MUC17: variants seen among roughly 807,000 people sequenced by gnomAD.
MUC17 encodes mucin-17.
MUC17 carries 190 observed loss-of-function variants against 170.3 expected under a neutral mutation model. The ratio of observed to expected loss-of-function variants is 1.12; its 90% CI spans 0.99 to 1.26. The LOEUF (loss-of-function observed/expected upper bound fraction) is 1.26, where lower values mean the gene tolerates loss of function less well. Among genes scored for constraint, MUC17 ranks in the 50% most tolerant of loss-of-function variants. The pLI is 0.00. For missense variants in MUC17, 6,415 were observed against 5,530.0 expected (o/e 1.16, Z -5.08); for synonymous variants, 2,325 against 2,002.5 (o/e 1.16, Z -4.30).
intron 3 of MUC17, among the ~76,000 whole-genome samples, chr7:101,046,156 A>C (rs961605315): frequency 2.6e-5 from 4 of 152,084 alleles, no homozygotes; most frequent in African/African-American, 9.7e-5. Context: ...ATTCTTTCCA[A>C]ATGTCTTGGA....
rs1295719511 is a variant in MUC17 at position 101,043,657 on chromosome 7, TCCA to T, written c.12243_12245del (p.Thr4083del). ...TACACCTCCAACAACCTCTGCCTCC[TCCA>T]CGACTGTGAACCCTGAGGCTGTCAC... On this transcript the variant is annotated inframe_deletion, in exon 3 of 13. Coordinates refer to ENST00000306151, the MANE Select transcript of MUC17 (RefSeq NM_001040105.2). 1 of 1,614,046 alleles carries T rather than the reference TCCA, an allele frequency of 6.2e-7. No homozygotes were observed.
chr7:101,051,389 AG>A (rs1165236359), intron 7 of MUC17, among the ~76,000 whole-genome samples: 5 of 145,822 alleles, frequency 3.4e-5, no homozygotes, highest in East Asian at 2.1e-4. Context: ...AAAAAAAAAA[AG>A]AGTAAGAAAG....
At position 101,041,244 on chromosome 7, in the gene MUC17, T is replaced by A; in HGVS notation, c.9828T>A (p.Pro3276=). The change falls in exon 3 of 13, where the codon CCT becomes CCA. Residue 3276 remains proline, a synonymous_variant. Transcript: ENST00000306151. ...GTACCAGCATGCCAACCTCAACTCC[T>A]AGTGAAGGAAGCACTCCATTAACAA... is the stretch of plus-strand genomic sequence containing the variant. ...AEGTSMPTST[P]SEGSTPLTSM... 5 of 1,611,470 alleles carry A rather than the reference T, an allele frequency of 3.1e-6. No homozygotes were observed. The highest frequency in any genetic ancestry group is 4.2e-6 in the Non-Finnish European group (5 of 1,178,370).
In MUC17 at chr7:101,037,589, G is replaced by T; in HGVS notation, c.6173G>T (p.Ser2058Ile). The T allele has an allele frequency of 4.3e-6, 7 of 1,613,890 alleles. No homozygotes were observed. Among genetic ancestry groups the T allele is most frequent in the Non-Finnish European group, 5.1e-6 (6 of 1,179,868 alleles). ...CCTGTCAGCACTACGCTTGTGGTCA[G>T]TTCTGAGGGTAACACCCTTTCAACA... is the stretch of plus-strand genomic sequence containing the variant. ...GMPVSTTLVV[S>I]SEGNTLSTTP... Residue 2058 changes from serine (S) to isoleucine (I), a missense_variant, in exon 3 of 13, where the codon AGT (serine) becomes ATT (isoleucine). Coordinates refer to ENST00000306151, the MANE Select transcript of MUC17 (RefSeq NM_001040105.2).
Position 101,033,288 on chromosome 7 carries a change from C to G in MUC17, c.1872C>G (p.Tyr624Ter), listed in dbSNP as rs745936745. Residue 624 changes from tyrosine (Y) to a stop codon, truncating the protein, a stop_gained, in exon 3 of 13, where the codon TAC becomes TAG. Transcript: ENST00000306151. LOFTEE classifies it high-confidence loss of function. The part of the protein sequence containing the change: ...AEGTSMPTST[Y>*]SERGTTITSM... Reference sequence around the variant, plus strand: ...GTACCAGCATGCCAACCTCAACTTACAGTGAAAGAGGCACTACAATAACAA... The same window carrying G: ...GTACCAGCATGCCAACCTCAACTTAGAGTGAAAGAGGCACTACAATAACAA... 4.3e-6 allele frequency: 7 copies of G among 1,609,476 alleles called. No homozygotes were observed. In the Admixed American group the frequency reaches 8.4e-5, roughly 19 times the overall value.
chr7:101,051,155 C>T (rs1794934212), intron 7 of MUC17, among the ~76,000 whole-genome samples: 1 of 151,898 alleles, frequency 6.6e-6, no homozygotes, highest in African/African-American at 2.4e-5. Context: ...CACTTGAGGC[C>T]AGGAGTTCGA....
intron 3 of MUC17, among the ~76,000 whole-genome samples, chr7:101,046,778 A>C (rs943826146): frequency 6.6e-6 from 1 of 152,162 alleles, no homozygotes. Context: ...ACTCTGTCTC[A>C]AAAAATAATA....
chr7:101,042,751 GT>G lies in MUC17; in HGVS notation c.11338del (p.Tyr3780ThrfsTer6), dbSNP rs771568271. On this transcript the variant is annotated frameshift_variant, in exon 3 of 13. Transcript: ENST00000306151. LOFTEE classifies it high-confidence loss of function. Reference protein sequence around the residue: ...PESSTPSIPSVYTSMSMTTAS... With the variant: ...PESSTPSIPSXYTSMSMTTAS... ...GAGTAGCACCCCTTCCATACCATCTGTTTACACCAGCATGTCTATGACCACT... is the reference window on the plus strand; with the variant it reads ...GAGTAGCACCCCTTCCATACCATCTGTTACACCAGCATGTCTATGACCACT... 140 of 1,613,840 alleles carry G rather than the reference GT, an allele frequency of 8.7e-5. No homozygotes were observed. Among genetic ancestry groups the G allele is most frequent in the Non-Finnish European group, 1.1e-4 (127 of 1,180,030 alleles).
chr7:101,033,488 C>G lies in MUC17; in HGVS notation c.2072C>G (p.Thr691Arg). ...TATACTGAAGGAAGCACTCCATTAA[C>G]AAGTATGCCTGTCAACACCACACTG... The part of the protein sequence containing the change: ...STYTEGSTPL[T>R]SMPVNTTLVA... The change falls in exon 3 of 13, where the codon ACA becomes AGA. Residue 691 changes from threonine to arginine, a missense_variant. Coordinates refer to ENST00000306151, the MANE Select transcript of MUC17 (RefSeq NM_001040105.2). 1 of 1,613,880 alleles carries G rather than the reference C, an allele frequency of 6.2e-7. No homozygotes were observed. Among genetic ancestry groups the G allele is most frequent in the Non-Finnish European group, 8.5e-7 (1 of 1,179,914 alleles).
At position 101,032,035 on chromosome 7, in the gene MUC17, C is replaced by T; in HGVS notation, c.619C>T (p.Pro207Ser). Reference sequence around the variant, plus strand: ...TACTACTCCTGAAAGCACCACCATACCCAAATCAACTAACAGTGAAGGAAG... The same window carrying T: ...TACTACTCCTGAAAGCACCACCATATCCAAATCAACTAACAGTGAAGGAAG... Reference protein sequence around the residue: ...SPTTPESTTIPKSTNSEGSTP... With the variant: ...SPTTPESTTISKSTNSEGSTP... The change falls in exon 3 of 13, where the codon CCC becomes TCC. Residue 207 changes from proline to serine, a missense_variant. Coordinates refer to ENST00000306151, the MANE Select transcript of MUC17 (RefSeq NM_001040105.2). 6.2e-7 allele frequency: 1 copy of T among 1,614,228 alleles called. No individual in the cohort carries two copies. Among genetic ancestry groups the T allele is most frequent in the Non-Finnish European group, 8.5e-7 (1 of 1,180,046 alleles).
chr7:101,041,261 C>T lies in MUC17; in HGVS notation c.9845C>T (p.Pro3282Leu), dbSNP rs1351311795. 1 of 1,611,406 alleles carries T rather than the reference C, an allele frequency of 6.2e-7. No homozygotes were observed. The highest frequency in any genetic ancestry group is 8.5e-7 in the Non-Finnish European group (1 of 1,178,372). ...TCAACTCCTAGTGAAGGAAGCACTC[C>T]ATTAACAAGTATGCCTGTCAGCACC... ...PTSTPSEGST[P>L]LTSMPVSTTT... The change falls in exon 3 of 13, where the codon CCA becomes CTA. Residue 3282 changes from proline to leucine, a missense_variant. Pro to Leu is a moderately conservative substitution (Grantham distance 98, BLOSUM62 -3). Transcript: ENST00000306151.
In MUC17 at chr7:101,058,173, A is replaced by G. The variant is rs1795082421; in HGVS notation, c.*129A>G. The G allele has an allele frequency of 1.3e-6, 1 of 748,880 alleles. No individual in the cohort carries two copies. The highest frequency in any genetic ancestry group is 1.8e-5 in the African/African-American group (1 of 57,020). 46.4% of individuals were successfully genotyped at this position (748,880 alleles called of 1,614,324 possible). A position where few individuals can be genotyped will look rare whatever the true frequency, so the allele number is the denominator to read the frequency against. On this transcript the variant is annotated 3_prime_UTR_variant, in exon 13 of 13. Transcript: ENST00000306151. ...TGTAAGTACAGGAAACAAGCCCTGT[A>G]CTTACCAAGGAGAAAGAGGAGAGAC...
chr7:101,038,960 C>G lies in MUC17; in HGVS notation c.7544C>G (p.Thr2515Ser), dbSNP rs779955383. ...ATCTCAACTGCTAGTGAAGGAAGTA[C>G]TCTATTAACAAGTATACCTGTCAGC... is the stretch of plus-strand genomic sequence containing the variant. ...VPISTASEGS[T>S]LLTSIPVSTT... Residue 2515 changes from threonine to serine, a missense_variant, in exon 3 of 13, where the codon ACT becomes AGT. Coordinates refer to ENST00000306151, the MANE Select transcript of MUC17 (RefSeq NM_001040105.2). 1.9e-6 allele frequency: 3 copies of G among 1,614,038 alleles called. No homozygotes were observed. Among genetic ancestry groups the G allele is most frequent in the South Asian group, 2.2e-5 (2 of 91,070 alleles).
chr7:101,028,896 T>C lies in MUC17; in HGVS notation c.83-2224T>C, dbSNP rs1378104987. ...CAGAGAGACACTGTCTCTTAAAAATTAATAAATAAGTCCGGACGTGGTGGT... is the reference window on the plus strand; with the variant it reads ...CAGAGAGACACTGTCTCTTAAAAATCAATAAATAAGTCCGGACGTGGTGGT... On this transcript the variant is annotated intron_variant, in intron 1 of 12. Transcript: ENST00000306151. 3.4e-5 allele frequency among the ~76,000 whole-genome samples: 5 copies of C among 146,738 alleles called. No individual in the cohort carries two copies. The East Asian group carries it at 1.0e-3, about 30-fold the overall frequency.
At position 101,049,313 on chromosome 7, in the gene MUC17, T is replaced by C. The variant is rs1794895755; in HGVS notation, c.12664-11T>C. 6.2e-7 allele frequency: 1 copy of C among 1,614,002 alleles called. No individual in the cohort carries two copies. Among genetic ancestry groups the C allele is most frequent in the African/African-American group, 1.3e-5 (1 of 74,914 alleles). ...CCCTCTGGGATGACACAGTGGCCCC[T>C]TGCCTTTCAGATGAATATTGTGTAT... On this transcript the variant is annotated splice_polypyrimidine_tract_variant and intron_variant, in intron 5 of 12. Coordinates refer to ENST00000306151, the MANE Select transcript of MUC17 (RefSeq NM_001040105.2).
intron 1 of MUC17, among the ~76,000 whole-genome samples, chr7:101,024,601 C>A (rs1794148784): frequency 6.6e-6 from 1 of 152,088 alleles, no homozygotes; most frequent in Non-Finnish European, 1.5e-5. Context: ...TTGCCCTAAC[C>A]TTCTGAGATC....
chr7:101,054,070 A>G (rs1795007219), intron 11 of MUC17, among the ~76,000 whole-genome samples: 1 of 142,616 alleles, frequency 7.0e-6, no homozygotes, highest in African/African-American at 2.7e-5. Flanking sequence ...AAAAAAAAAA[A>G]AAAAAAAAAA....
intron 1 of MUC17, 39 bp from the exon 2 acceptor site, chr7:101,031,081 C>T: frequency 3.2e-6 from 5 of 1,579,672 alleles, no homozygotes; most frequent in Non-Finnish European, 4.3e-6. Flanking sequence ...GAAGGAAGAT[C>T]ATGGCTCTGG....
At chr7:101,046,909 C>T (rs1177471193) in intron 3 of MUC17, among the ~76,000 whole-genome samples, 3 of 151,816 alleles carry the variant, frequency 2.0e-5, no homozygotes, top group African/African-American at 7.3e-5. Context: ...GAAACATCGT[C>T]TCTATTAAAA....
Sources: allele counts gnomAD v4.1 joint callset (sites outside exome capture counted in the v4.1 genomes callset), GRCh38; gene constraint gnomAD v4.1.1; transcripts MANE v1.5; gene names NCBI Gene and HGNC (gene_info 2026-07-23, HGNC 2026-07-21).